Variants in GREB1L observed in about 807,000 individuals in gnomAD.
The protein encoded by GREB1L is GREB1 like retinoic acid receptor coactivator.
In GREB1L, 17 loss-of-function variants were observed where a neutral mutation model predicts 200.8. That is an observed-to-expected ratio of 0.08 (90% CI 0.06 to 0.13). GREB1L has a LOEUF of 0.13. Ranked by LOEUF, GREB1L falls within the 10% of genes least tolerant of loss-of-function variation. The pLI is 1.00. For synonymous variants in GREB1L, 789 were observed against 893.0 expected (o/e 0.88, Z 2.08); for missense variants, 1,657 against 2,367.7 (o/e 0.70, Z 6.23).
chr18:21,263,968 T>C (rs938787016), intron 1 of GREB1L, among the ~76,000 whole-genome samples: 1 of 152,210 alleles, frequency 6.6e-6, no homozygotes, highest in East Asian at 1.9e-4. Context: ...GCAGATTTTG[T>C]CTACCTTTTA....
At chr18:21,257,755 G>C (rs1315440588) in intron 1 of GREB1L, among the ~76,000 whole-genome samples, 3 of 152,114 alleles carry the variant, frequency 2.0e-5, no homozygotes, top group Non-Finnish European at 4.4e-5. Flanking sequence ...TGCCATAAAG[G>C]TCTTCTCTGC....
At chr18:21,270,392 A>G (rs1379159918) in intron 1 of GREB1L, among the ~76,000 whole-genome samples, 1 of 152,180 alleles carries the variant, frequency 6.6e-6, no homozygotes, top group East Asian at 1.9e-4. Context: ...ATCATGGGGA[A>G]GGTGGATGGA....
chr18:21,395,587 C>A, intron 5 of GREB1L, 26 bp downstream of exon 5: 1 of 1,493,436 alleles, frequency 6.7e-7, no homozygotes. Context: ...TTATAAAATT[C>A]CTTCCAATAT....
Position 21,301,413 on chromosome 18 carries a change from T to G in GREB1L, c.-120+59020T>G, listed in dbSNP as rs576563674. 3.9e-5 allele frequency among the ~76,000 whole-genome samples: 6 copies of G among 152,328 alleles called. No individual in the cohort carries two copies. In the East Asian group the frequency reaches 7.7e-4, roughly 20 times the overall value. ...ACCAGATTTCTCTGAGAGGCTTTCATGGAGCCCAGTTACCCCTTCCCAGTT... is the reference window on the plus strand; with the variant it reads ...ACCAGATTTCTCTGAGAGGCTTTCAGGGAGCCCAGTTACCCCTTCCCAGTT... On this transcript the variant is annotated intron_variant, in intron 1 of 32. Coordinates refer to ENST00000424526, the MANE Select transcript of GREB1L (RefSeq NM_001142966.3).
chr18:21,452,090 C>T lies in GREB1L; in HGVS notation c.1857C>T (p.Asp619=), dbSNP rs1425691196. The change falls in exon 14 of 33, where the codon GAC becomes GAT. Residue 619 remains aspartate (D), a synonymous_variant. Transcript: ENST00000424526. ...ATCTCTATTTTGTAATAGGCGATGA[C>T]CTAGACAAGCTGCTGGAAAAAATGC... The part of the protein sequence containing the change: ...SHFKTTSLGD[D]LDKLLEKMQQ... The T allele has an allele frequency of 6.5e-7, 1 of 1,546,550 alleles. No individual in the cohort carries two copies. The highest frequency in any genetic ancestry group is 8.7e-7 in the Non-Finnish European group (1 of 1,146,732).
chr18:21,406,224 G>A (rs2030213073), intron 7 of GREB1L, among the ~76,000 whole-genome samples: 1 of 151,992 alleles, frequency 6.6e-6, no homozygotes, highest in African/African-American at 2.4e-5. Flanking sequence ...AACAAATTTT[G>A]CTTTGAAAGA....
At chr18:21,313,862 G>C (rs190287716) in intron 1 of GREB1L, among the ~76,000 whole-genome samples, 7 of 152,262 alleles carry the variant, frequency 4.6e-5, no homozygotes, top group Non-Finnish European at 1.0e-4. Flanking sequence ...TTACTCTGCT[G>C]TTTCCTCATC....
chr18:21,422,174 A>G (rs2032208593), intron 7 of GREB1L, among the ~76,000 whole-genome samples: 1 of 152,204 alleles, frequency 6.6e-6, no homozygotes, highest in Non-Finnish European at 1.5e-5. Context: ...TGAGCAAATC[A>G]GCTACTTACT....
chr18:21,263,556 T>C (rs2037921573), intron 1 of GREB1L, among the ~76,000 whole-genome samples: 2 of 152,198 alleles, frequency 1.3e-5, no homozygotes, highest in Non-Finnish European at 2.9e-5. Context: ...AATTTTCCAT[T>C]TGAATTTTCA....
At chr18:21,303,475 G>A (rs1290401579) in intron 1 of GREB1L, among the ~76,000 whole-genome samples, 3 of 152,104 alleles carry the variant, frequency 2.0e-5, no homozygotes, top group South Asian at 2.1e-4. Flanking sequence ...ACATTTTTCC[G>A]GAGACTTTAT....
chr18:21,465,324 G>C (rs1440815981), intron 15 of GREB1L, among the ~76,000 whole-genome samples: 1 of 152,044 alleles, frequency 6.6e-6, no homozygotes, highest in Non-Finnish European at 1.5e-5. Context: ...ACAGCTCTGG[G>C]ACAATTACTG....
At chr18:21,376,620 C>G (rs1400270282) in intron 2 of GREB1L, among the ~76,000 whole-genome samples, 1 of 150,908 alleles carries the variant, frequency 6.6e-6, no homozygotes, top group Non-Finnish European at 1.5e-5. Flanking sequence ...CTGGCTAACA[C>G]GGTGAAACCC....
chr18:21,321,985 C>T (rs1440327781), intron 1 of GREB1L, among the ~76,000 whole-genome samples: 2 of 152,022 alleles, frequency 1.3e-5, no homozygotes, highest in Non-Finnish European at 2.9e-5. Flanking sequence ...CTATTAGCAG[C>T]TTGATTTATC....
At chr18:21,261,086 G>C (rs2037883102) in intron 1 of GREB1L, among the ~76,000 whole-genome samples, 1 of 151,948 alleles carries the variant, frequency 6.6e-6, no homozygotes. Flanking sequence ...TTAAATCTGA[G>C]CTGTGAAAAA....
intron 19 of GREB1L, 87 bp from the exon 20 acceptor site, chr18:21,495,583 T>G (rs1384761607): frequency 1.4e-6 from 1 of 711,260 alleles, no homozygotes; most frequent in Admixed American, 2.8e-5. Context: ...AAGCACAGTG[T>G]GTCTAAAATC....
At chr18:21,477,760 T>C (rs2035761126) in intron 17 of GREB1L, among the ~76,000 whole-genome samples, 1 of 145,412 alleles carries the variant, frequency 6.9e-6, no homozygotes, top group Non-Finnish European at 1.5e-5. Flanking sequence ...CACTCCAGCC[T>C]GGGGGACAGA....
chr18:21,387,297 T>C (rs545254960), intron 4 of GREB1L, among the ~76,000 whole-genome samples: 1 of 152,242 alleles, frequency 6.6e-6, no homozygotes, highest in Non-Finnish European at 1.5e-5. Context: ...AGAATGCTAA[T>C]CTGTTTCTGT....
intron 31 of GREB1L, 132 bp from the exon 32 acceptor site, chr18:21,520,556 T>C (rs1395251): frequency 1 from 976,757 of 978,682 alleles, 487,440 homozygotes; most frequent in East Asian, 1. Flanking sequence ...TTTAAGTTAA[T>C]ATTGGAAAAA....
At chr18:21,275,386 A>T (rs2038145825) in intron 1 of GREB1L, among the ~76,000 whole-genome samples, 1 of 152,168 alleles carries the variant, frequency 6.6e-6, no homozygotes, top group African/African-American at 2.4e-5. Flanking sequence ...TTAATTATTT[A>T]TTTTTTTAGA....
Sources: gnomAD v4.1 joint callset for allele counts (sites outside exome capture counted in the v4.1 genomes callset) on GRCh38, gnomAD v4.1.1 for gene constraint, MANE v1.5 for transcripts, NCBI Gene and HGNC (gene_info 2026-07-23, HGNC 2026-07-21) for gene names.